PTPRD: variants seen among roughly 807,000 people sequenced by gnomAD.
PTPRD encodes protein tyrosine phosphatase receptor type D.
A neutral mutation model predicts 214.5 loss-of-function variants in PTPRD; 34 were observed. The observed-to-expected ratio is 0.16, with a 90% CI of 0.12 to 0.21. The LOEUF (loss-of-function observed/expected upper bound fraction) is 0.21. PTPRD is among the 10% of genes least tolerant of loss of function. The pLI is 1.00. For synonymous variants in PTPRD, 1,128 were observed against 845.7 expected (o/e 1.33, Z -5.79); for missense variants, 2,545 against 2,398.7 (o/e 1.06, Z -1.27).
intron 3 of PTPRD, among the ~76,000 whole-genome samples, chr9:10,150,748 A>G (rs2099055432): frequency 6.6e-6 from 1 of 152,116 alleles, no homozygotes; most frequent in South Asian, 2.1e-4. Context: ...CTGATACATC[A>G]GTGGCATGGA....
intron 2 of PTPRD, among the ~76,000 whole-genome samples, chr9:10,509,939 G>A (rs2047438619): frequency 6.6e-6 from 1 of 151,828 alleles, no homozygotes; most frequent in African/African-American, 2.4e-5. Flanking sequence ...TGAGCATCAC[G>A]AGGTTCACTC....
chr9:10,300,772 C>A (rs1302373855), intron 3 of PTPRD, among the ~76,000 whole-genome samples: 8 of 152,068 alleles, frequency 5.3e-5, no homozygotes, highest in African/African-American at 1.9e-4. Context: ...AGGTGAGGGA[C>A]TTATAGATAA....
chr9:9,347,764 T>C (rs528863192), intron 9 of PTPRD, among the ~76,000 whole-genome samples: 1 of 152,308 alleles, frequency 6.6e-6, no homozygotes, highest in African/African-American at 2.4e-5. Flanking sequence ...ATTTCAACAC[T>C]GAAGCAAAGT....
chr9:9,881,624 C>T (rs547697755), intron 5 of PTPRD, among the ~76,000 whole-genome samples: 1 of 152,070 alleles, frequency 6.6e-6, no homozygotes, highest in African/African-American at 2.4e-5. Flanking sequence ...GCTTTGGGGG[C>T]ATAGCAAAGA....
chr9:10,254,593 G>A (rs2093080719), intron 3 of PTPRD, among the ~76,000 whole-genome samples: 1 of 152,078 alleles, frequency 6.6e-6, no homozygotes, highest in African/African-American at 2.4e-5. Flanking sequence ...CAATCGAGAT[G>A]ACTGAAGACT....
At chr9:8,743,477 T>C (rs796572032) in intron 11 of PTPRD, among the ~76,000 whole-genome samples, 28 of 152,300 alleles carry the variant, frequency 1.8e-4, no homozygotes, top group African/African-American at 6.5e-4. Context: ...AGGACTGTTT[T>C]CTCATATCAC....
At chr9:8,828,950 C>T (rs558552938) in intron 11 of PTPRD, among the ~76,000 whole-genome samples, 1 of 152,240 alleles carries the variant, frequency 6.6e-6, no homozygotes, top group African/African-American at 2.4e-5. Flanking sequence ...AAATGCAGTA[C>T]TTGAAAAAGA....
At chr9:10,393,545 C>T (rs115354318) in intron 2 of PTPRD, among the ~76,000 whole-genome samples, 1 of 151,146 alleles carries the variant, frequency 6.6e-6, no homozygotes, top group Non-Finnish European at 1.5e-5. Flanking sequence ...AATCCCAGCA[C>T]TTTGGGAAGC....
intron 5 of PTPRD, among the ~76,000 whole-genome samples, chr9:9,906,791 T>TGTTA (rs1431686693): frequency 1.3e-5 from 2 of 151,946 alleles, no homozygotes; most frequent in African/African-American, 4.8e-5. Context: ...TACAGACCAC[T>TGTTA]GTTAGTTTTC....
chr9:9,598,216 C>T (rs2093502857), intron 7 of PTPRD, among the ~76,000 whole-genome samples: 2 of 151,994 alleles, frequency 1.3e-5, no homozygotes, highest in Admixed American at 6.6e-5. Flanking sequence ...GAAAATAGCC[C>T]TCCTTCCTCA....
At chr9:9,929,095 T>C (rs2085417834) in intron 5 of PTPRD, among the ~76,000 whole-genome samples, 1 of 152,156 alleles carries the variant, frequency 6.6e-6, no homozygotes. Context: ...ACCATATCTG[T>C]CCGCTATACC....
At chr9:8,849,648 AT>A (rs1284287597) in intron 11 of PTPRD, among the ~76,000 whole-genome samples, 10 of 152,194 alleles carry the variant, frequency 6.6e-5, no homozygotes, top group Admixed American at 6.5e-4. Flanking sequence ...GAGAAAGGAG[AT>A]TCCAGGAACA....
chr9:8,638,817 T>A (rs2096506195), intron 12 of PTPRD, among the ~76,000 whole-genome samples: 1 of 152,134 alleles, frequency 6.6e-6, no homozygotes, highest in Non-Finnish European at 1.5e-5. Flanking sequence ...GGGAAGTACT[T>A]AAAATAATTT....
intron 11 of PTPRD, among the ~76,000 whole-genome samples, chr9:8,836,727 G>C (rs1233136360): frequency 4.0e-5 from 6 of 150,444 alleles, no homozygotes; most frequent in Non-Finnish European, 7.4e-5. Flanking sequence ...CTCCTGAGTA[G>C]CTGGGACTAC....
intron 7 of PTPRD, among the ~76,000 whole-genome samples, chr9:9,594,417 A>C (rs2154331072): frequency 6.6e-6 from 1 of 152,208 alleles, no homozygotes; most frequent in Non-Finnish European, 1.5e-5. Flanking sequence ...TCTTAGATTT[A>C]AGTCCTTGAT....
chr9:8,529,928 A>G (rs1006300559), intron 14 of PTPRD, among the ~76,000 whole-genome samples: 2 of 152,132 alleles, frequency 1.3e-5, no homozygotes, highest in Non-Finnish European at 2.9e-5. Flanking sequence ...CTTCCAATTG[A>G]GTCTGGCATT....
chr9:8,716,260 G>C (rs1169868783), intron 12 of PTPRD, among the ~76,000 whole-genome samples: 1 of 152,180 alleles, frequency 6.6e-6, no homozygotes, highest in African/African-American at 2.4e-5. Context: ...GAACCTACAA[G>C]GAGAACCAAA....
At chr9:9,224,850 A>G (rs113681472) in intron 9 of PTPRD, among the ~76,000 whole-genome samples, 30 of 152,130 alleles carry the variant, frequency 2.0e-4, no homozygotes, top group African/African-American at 7.2e-4. Flanking sequence ...AAAAAGATAC[A>G]TGGGATTCAA....
intron 3 of PTPRD, among the ~76,000 whole-genome samples, chr9:10,307,792 T>C (rs1021916605): frequency 6.6e-6 from 1 of 152,058 alleles, no homozygotes; most frequent in Admixed American, 6.6e-5. Context: ...CATTGTGGTT[T>C]GGGTTGGCAT....
Sources: gnomAD v4.1 joint callset for allele counts (sites outside exome capture counted in the v4.1 genomes callset) on GRCh38, gnomAD v4.1.1 for gene constraint, MANE v1.5 for transcripts, NCBI Gene and HGNC (gene_info 2026-07-23, HGNC 2026-07-21) for gene names.